CCDC38: variants seen among roughly 807,000 people sequenced by gnomAD.
CCDC38 encodes the protein coiled-coil domain containing 38.
A neutral mutation model predicts 72.8 loss-of-function variants in CCDC38; 69 were observed. The observed-to-expected ratio is 0.95, with a 90% CI of 0.78 to 1.16. The LOEUF (loss-of-function observed/expected upper bound fraction) is 1.16. CCDC38 is among the 50% of genes most tolerant of loss of function. CCDC38 has a pLI of 0.00. For missense variants in CCDC38, 626 were observed against 638.9 expected, an observed-to-expected ratio of 0.98 and a Z score of 0.22; for synonymous variants, 201 against 213.2, an observed-to-expected ratio of 0.94 and a Z score of 0.50.
In CCDC38 at chr12:95,872,201, A is replaced by G; in HGVS notation, c.1484+54T>C. 3 of 1,524,948 alleles carry G rather than the reference A, an allele frequency of 2.0e-6. No homozygotes were observed. The South Asian group carries it at 3.4e-5, about 17-fold the overall frequency. 94.5% of individuals were successfully genotyped at this position (1,524,948 alleles called of 1,614,324 possible). A position where few individuals can be genotyped will look rare whatever the true frequency, so the allele number is the denominator to read the frequency against. On this transcript the variant is annotated intron_variant, in intron 14 of 15. Transcript: ENST00000344280. ...AAGAGACTTGCTAATGTGTTTGTGG[A>G]ATCTGAGCAAAACCAGCTACTCATT...
chr12:95,867,110 G>GT lies in CCDC38; in HGVS notation c.1657dup (p.Thr553AsnfsTer?). ...AAAATATTCTTCCTCTTGTGATTTT[G>GT]TTTTTGTTTCATTGACTAAAGGTAG... On this transcript the variant is annotated frameshift_variant, in exon 16 of 16. Transcript: ENST00000344280. LOFTEE classifies it high-confidence loss of function. 1 of 1,603,008 alleles carries GT rather than the reference G, an allele frequency of 6.2e-7. No individual in the cohort carries two copies. Among genetic ancestry groups the GT allele is most frequent in the Non-Finnish European group, 8.5e-7 (1 of 1,172,524 alleles).
At chr12:95,924,362 T>C (rs1355057073) in intron 2 of CCDC38, among the ~76,000 whole-genome samples, 1 of 147,436 alleles carries the variant, frequency 6.8e-6, no homozygotes, top group Non-Finnish European at 1.5e-5. Flanking sequence ...TGTCTGTTCA[T>C]GTCCTTCACC....
intron 7 of CCDC38, among the ~76,000 whole-genome samples, chr12:95,897,610 CAAAA>C (rs370408931): frequency 1.3e-5 from 1 of 75,352 alleles, no homozygotes. Context: ...AACTCCCTCT[CAAAA>C]AAAAAAAAAA....
At chr12:95,915,901 A>G (rs2080138937) in intron 4 of CCDC38, among the ~76,000 whole-genome samples, 1 of 152,196 alleles carries the variant, frequency 6.6e-6, no homozygotes, top group Non-Finnish European at 1.5e-5. Context: ...CCTACTTTTA[A>G]GAGACCGGTA....
intron 4 of CCDC38, among the ~76,000 whole-genome samples, chr12:95,907,013 G>T (rs1488132873): frequency 2.0e-5 from 3 of 151,472 alleles, no homozygotes; most frequent in South Asian, 2.1e-4. Context: ...AGATTAGGGA[G>T]TGGTGATGAC....
In CCDC38 at chr12:95,918,917, G is replaced by T. The variant is rs1592793993; in HGVS notation, c.97C>A (p.Leu33Ile). The T allele has an allele frequency of 6.2e-7, 1 of 1,612,628 alleles. No homozygotes were observed. The highest frequency in any genetic ancestry group is 1.3e-5 in the African/African-American group (1 of 74,866). Residue 33 changes from leucine to isoleucine, a missense_variant, in exon 3 of 16, where the codon CTC becomes ATC. Physicochemically the swap from Leu to Ile is conservative, Grantham distance 5. Transcript: ENST00000344280. ...DRPYKIFFRD[L>I]FLVKENEMAA... ...ATTTCATTTTCTTTGACAAGAAAGA[G>T]ATCTCTGAAAAAGATCTTATAAGGC...
chr12:95,867,108 T>A lies in CCDC38; in HGVS notation c.1660A>T (p.Lys554Ter), dbSNP rs73227775. Residue 554 changes from lysine (K) to a stop codon, truncating the protein, a stop_gained, in exon 16 of 16, where the codon AAA becomes TAA. Transcript: ENST00000344280. LOFTEE classifies it high-confidence loss of function. ...AAAAAATATTCTTCCTCTTGTGATT[T>A]TGTTTTTGTTTCATTGACTAAAGGT... The part of the protein sequence containing the change: ...QLPLVNETKT[K>*]SQEEEYFFT 10 of 1,602,980 alleles carry A rather than the reference T, an allele frequency of 6.2e-6. No individual in the cohort carries two copies. Among genetic ancestry groups the A allele is most frequent in the Non-Finnish European group, 7.7e-6 (9 of 1,172,034 alleles).
At chr12:95,896,970 G>A (rs1169989195) in intron 7 of CCDC38, among the ~76,000 whole-genome samples, 1 of 152,230 alleles carries the variant, frequency 6.6e-6, no homozygotes, top group African/African-American at 2.4e-5. Context: ...TAAATGGATA[G>A]AAACTTCTAA....
intron 4 of CCDC38, 146 bp downstream of exon 4, chr12:95,916,983 C>A: frequency 4.1e-6 from 2 of 484,254 alleles, no homozygotes; most frequent in East Asian, 3.5e-5. Flanking sequence ...AGAATTTCTC[C>A]TAACTCTCAA....
At chr12:95,905,318 G>A (rs1051838431) in intron 5 of CCDC38, among the ~76,000 whole-genome samples, 1 of 151,946 alleles carries the variant, frequency 6.6e-6, no homozygotes, top group African/African-American at 2.4e-5. Context: ...GGGAGGGAGG[G>A]ATATAGTAAA....
intron 9 of CCDC38, among the ~76,000 whole-genome samples, chr12:95,889,418 A>G (rs2079798857): frequency 6.6e-6 from 1 of 152,150 alleles, no homozygotes; most frequent in Non-Finnish European, 1.5e-5. Context: ...AGAGAAGGGA[A>G]CATTGACACC....
At chr12:95,935,341 G>A (rs144250536) in intron 2 of CCDC38, 17 of 156,376 alleles carry the variant, frequency 1.1e-4, no homozygotes, top group East Asian at 9.5e-4. Flanking sequence ...GCAGGTCAGC[G>A]GAAGTGGTGA....
intron 8 of CCDC38, among the ~76,000 whole-genome samples, chr12:95,893,596 C>T (rs892487405): frequency 6.6e-6 from 1 of 151,976 alleles, no homozygotes; most frequent in Non-Finnish European, 1.5e-5. Flanking sequence ...AGGTGATCCT[C>T]CCACCTCAGC....
At chr12:95,920,911 C>G (rs2080198920) in intron 2 of CCDC38, among the ~76,000 whole-genome samples, 1 of 152,018 alleles carries the variant, frequency 6.6e-6, no homozygotes, top group Admixed American at 6.6e-5. Flanking sequence ...GGTGGATAAC[C>G]TGAGGTCGGG....
rs140415020 is a variant in CCDC38 at position 95,935,995 on chromosome 12, T to C, written c.37+478A>G. ...TGGGAGGCTGAGGAAGGAGAATCAC[T>C]TGAACCCAGGAGGCGGAGTTTGCAG... is the stretch of plus-strand genomic sequence containing the variant. On this transcript the variant is annotated intron_variant, in intron 2 of 15. Transcript: ENST00000344280. 6.3e-4 allele frequency among the ~76,000 whole-genome samples: 96 copies of C among 152,178 alleles called. 1 individual carries two copies. The East Asian group carries it at 0.015, about 23-fold the overall frequency.
intron 2 of CCDC38, among the ~76,000 whole-genome samples, chr12:95,920,115 A>G (rs1436208008): frequency 6.6e-6 from 1 of 152,224 alleles, no homozygotes; most frequent in East Asian, 1.9e-4. Context: ...CTGTGTCCTC[A>G]TCCAAATCTC....
Position 95,910,889 on chromosome 12 carries a change from T to C in CCDC38, c.305-4438A>G, listed in dbSNP as rs534777977. 2.6e-5 allele frequency among the ~76,000 whole-genome samples: 4 copies of C among 152,008 alleles called. No homozygotes were observed. In the South Asian group the frequency reaches 8.3e-4, roughly 32 times the overall value. On this transcript the variant is annotated intron_variant, in intron 4 of 15. Transcript: ENST00000344280. The stretch of plus-strand genomic sequence containing the variant: ...TAAATGAATAAATAATTCATAAAAA[T>C]AAAATAAAAATTACATGAAGCCAAA...
intron 5 of CCDC38, among the ~76,000 whole-genome samples, chr12:95,900,256 C>T (rs1226519951): frequency 6.6e-6 from 1 of 152,128 alleles, no homozygotes; most frequent in Non-Finnish European, 1.5e-5. Context: ...ATCCCTAATA[C>T]ACAATACTGA....
intron 4 of CCDC38, among the ~76,000 whole-genome samples, chr12:95,906,867 G>T (rs1041036112): frequency 6.8e-6 from 1 of 148,074 alleles, no homozygotes; most frequent in Non-Finnish European, 1.5e-5. Context: ...GGTGTTTCTC[G>T]CAGAGGGGGA....
Sources: allele counts gnomAD v4.1 joint callset (sites outside exome capture counted in the v4.1 genomes callset), GRCh38; gene constraint gnomAD v4.1.1; transcripts MANE v1.5; gene names NCBI Gene and HGNC (gene_info 2026-07-23, HGNC 2026-07-21).